DUSP22: variants seen among roughly 807,000 people sequenced by gnomAD.
DUSP22 encodes dual specificity protein phosphatase 22.
A neutral mutation model predicts 24.5 loss-of-function variants in DUSP22; 24 were observed. The observed-to-expected ratio is 0.98, with a 90% confidence interval of 0.71 to 1.38. The LOEUF (loss-of-function observed/expected upper bound fraction) is 1.38. Ranked by LOEUF, DUSP22 falls within the 40% of genes most tolerant of loss-of-function variation. The pLI is 0.00. For missense variants in DUSP22, 330 were observed against 269.2 expected (o/e 1.23, Z -1.58); for synonymous variants, 160 against 106.4 (o/e 1.50, Z -3.10).
chr6:334,563 T>A (rs1250638569), intron 3 of DUSP22, among the ~76,000 whole-genome samples: 1 of 152,300 alleles, frequency 6.6e-6, no homozygotes, highest in Non-Finnish European at 1.5e-5. Flanking sequence ...TATAAACCTT[T>A]ATTGTCCTGA....
intron 4 of DUSP22, among the ~76,000 whole-genome samples, chr6:344,272 T>G (rs1469639034): frequency 1.3e-5 from 2 of 151,414 alleles, no homozygotes; most frequent in Non-Finnish European, 2.9e-5. Flanking sequence ...CGTCATCATT[T>G]AGAACTTAGT....
chr6:335,900 A>G (rs1759340327), intron 4 of DUSP22, among the ~76,000 whole-genome samples: 1 of 152,312 alleles, frequency 6.6e-6, no homozygotes, highest in African/African-American at 2.4e-5. Context: ...TCTTCATAGC[A>G]GAATAAACCT....
At chr6:343,079 T>C (rs1759685851) in intron 4 of DUSP22, among the ~76,000 whole-genome samples, 2 of 152,300 alleles carry the variant, frequency 1.3e-5, no homozygotes, top group Non-Finnish European at 2.9e-5. Context: ...GTAATGGGTG[T>C]CTGCTCTGGA....
At chr6:323,475 C>A (rs1465588836) in intron 3 of DUSP22, among the ~76,000 whole-genome samples, 1 of 152,426 alleles carries the variant, frequency 6.6e-6, no homozygotes, top group Non-Finnish European at 1.5e-5. Flanking sequence ...CATCTGAAAT[C>A]TGAGTTAGAG....
Position 349,065 on chromosome 6 carries a change from T to C in DUSP22, c.*114T>C, listed in dbSNP as rs1327208728. The C allele has an allele frequency of 8.1e-6, 12 of 1,484,244 alleles. No homozygotes were observed. Among genetic ancestry groups the C allele is most frequent in the African/African-American group, 2.8e-5 (2 of 71,678 alleles). 91.9% of individuals were successfully genotyped at this position (1,484,244 alleles called of 1,614,324 possible). A position where few individuals can be genotyped will look rare whatever the true frequency, so the allele number is the denominator to read the frequency against. On this transcript the variant is annotated 3_prime_UTR_variant, in exon 7 of 7. Transcript: ENST00000419235. The stretch of plus-strand genomic sequence containing the variant: ...GGAAAGGGAGATAGCCAGGGCGAGG[T>C]GGGGCGAGGGCTCCTTCCCCCAAGC...
In DUSP22 at chr6:349,590, C is replaced by T. The variant is rs1204580864; in HGVS notation, c.*639C>T. Reference sequence around the variant, plus strand: ...TGTGGTGGGGGCAACAGGGGCCAGACTCCTCTAGAGGGAGGGTGGCTCTGG... The same window carrying T: ...TGTGGTGGGGGCAACAGGGGCCAGATTCCTCTAGAGGGAGGGTGGCTCTGG... On this transcript the variant is annotated 3_prime_UTR_variant, in exon 7 of 7. Transcript: ENST00000419235. 14 of 988,618 alleles carry T rather than the reference C, an allele frequency of 1.4e-5. No individual in the cohort carries two copies. The highest frequency in any genetic ancestry group is 1.7e-5 in the Non-Finnish European group (14 of 832,514). 61.2% of individuals were successfully genotyped at this position (988,618 alleles called of 1,614,324 possible).
chr6:327,816 C>G (rs548501374), intron 3 of DUSP22, among the ~76,000 whole-genome samples: 1 of 152,412 alleles, frequency 6.6e-6, no homozygotes, highest in Admixed American at 6.5e-5. Flanking sequence ...GCAGGATGGC[C>G]GGGAGCAGGG....
Position 349,129 on chromosome 6 carries a change from C to G in DUSP22, c.*178C>G. ...CCTGCTCCAGGCCCCTGCACTCCGC[C>G]CACCCCTACCCTGGCTGCACCTGAG... On this transcript the variant is annotated 3_prime_UTR_variant, in exon 7 of 7. Transcript: ENST00000419235. 2 of 1,438,310 alleles carry G rather than the reference C, an allele frequency of 1.4e-6. No homozygotes were observed. The highest frequency in any genetic ancestry group is 1.8e-6 in the Non-Finnish European group (2 of 1,102,548). The allele number at this position is 1,438,310 out of a possible 1,614,324, so 89.1% of individuals were successfully genotyped here.
chr6:296,373 G>GA (rs1757328663), intron 1 of DUSP22, among the ~76,000 whole-genome samples: 1 of 152,302 alleles, frequency 6.6e-6, no homozygotes, highest in Admixed American at 6.5e-5. Flanking sequence ...GAGGCTAAGG[G>GA]AACTGCCAGG....
chr6:299,118 G>A (rs1308287675), intron 1 of DUSP22, among the ~76,000 whole-genome samples: 3 of 152,306 alleles, frequency 2.0e-5, no homozygotes, highest in Non-Finnish European at 4.4e-5. Context: ...CTTCAGCATA[G>A]TGGGACATTC....
Position 350,853 on chromosome 6 carries a change from T to G in DUSP22, c.*1902T>G, listed in dbSNP as rs1331271656. ...CGGGAATTCTGAAGTTCTGGGCCTT[T>G]CTCAGAAGACTGTAATGTACCTGAA... On this transcript the variant is annotated 3_prime_UTR_variant, in exon 7 of 7. Coordinates refer to ENST00000419235, the MANE Select transcript of DUSP22 (RefSeq NM_001286555.3). 6.2e-7 allele frequency: 1 copy of G among 1,614,280 alleles called. No individual in the cohort carries two copies. Among genetic ancestry groups the G allele is most frequent in the South Asian group, 1.1e-5 (1 of 91,090 alleles).
chr6:331,573 C>G (rs112930862), intron 3 of DUSP22, among the ~76,000 whole-genome samples: 3,267 of 151,200 alleles, frequency 0.022, 2 homozygotes, highest in African/African-American at 0.076. Context: ...TATTCCACAT[C>G]ACATTAAAAC....
At chr6:327,890 G>T (rs1400721434) in intron 3 of DUSP22, among the ~76,000 whole-genome samples, 2 of 152,294 alleles carry the variant, frequency 1.3e-5, no homozygotes, top group Non-Finnish European at 2.9e-5. Context: ...GGAGCGAGGG[G>T]TGGTAGGAGG....
At chr6:320,241 ACC>A (rs1322945330) in intron 3 of DUSP22, 1 of 152,580 alleles carries the variant, frequency 6.6e-6, no homozygotes. Context: ...GTGCTCACTG[ACC>A]AGCCTCTCCT....
intron 4 of DUSP22, among the ~76,000 whole-genome samples, chr6:339,627 C>T (rs143932090): frequency 1.3e-5 from 2 of 152,402 alleles, no homozygotes; most frequent in Non-Finnish European, 1.5e-5. Context: ...ATTGCAGTAG[C>T]GCCTTTGTGA....
chr6:349,420 G>T lies in DUSP22; in HGVS notation c.*469G>T. On this transcript the variant is annotated 3_prime_UTR_variant, in exon 7 of 7. Coordinates refer to ENST00000419235, the MANE Select transcript of DUSP22 (RefSeq NM_001286555.3). ...GGTTGGTGTGGCCACCTTTCCCTTT[G>T]TCCAAGACTCCACATGGAAGGCATT... The T allele has an allele frequency of 9.8e-7, 1 of 1,017,030 alleles. No homozygotes were observed. The highest frequency in any genetic ancestry group is 1.2e-6 in the Non-Finnish European group (1 of 849,486). 63.0% of individuals were successfully genotyped at this position (1,017,030 alleles called of 1,614,324 possible). A position where few individuals can be genotyped will look rare whatever the true frequency, so the allele number is the denominator to read the frequency against.
At chr6:345,420 G>C (rs1759816810) in intron 4 of DUSP22, among the ~76,000 whole-genome samples, 1 of 152,300 alleles carries the variant, frequency 6.6e-6, no homozygotes, top group African/African-American at 2.4e-5. Context: ...ATGTTGGCCA[G>C]GCTGGTCTCG....
intron 4 of DUSP22, among the ~76,000 whole-genome samples, chr6:341,696 C>T (rs1216914561): frequency 6.6e-6 from 1 of 152,312 alleles, no homozygotes; most frequent in Non-Finnish European, 1.5e-5. Context: ...TGCACAAGGG[C>T]TACGCAGCCC....
chr6:318,098 G>C (rs946616690), intron 3 of DUSP22, among the ~76,000 whole-genome samples: 1 of 152,308 alleles, frequency 6.6e-6, no homozygotes, highest in Admixed American at 6.5e-5. Flanking sequence ...GTTCTACAGA[G>C]CTGCTGTGGC....
Sources: allele counts gnomAD v4.1 joint callset (sites outside exome capture counted in the v4.1 genomes callset), GRCh38; gene constraint gnomAD v4.1.1; transcripts MANE v1.5; gene names NCBI Gene and HGNC (gene_info 2026-07-23, HGNC 2026-07-21).